The following FA2H variants were observed in gnomAD, a reference collection of about 807,000 sequenced individuals.
FA2H encodes the protein fatty acid 2-hydroxylase.
Under a neutral mutation model 44.9 loss-of-function variants are expected in FA2H, and 22 were observed. The ratio of observed to expected loss-of-function variants is 0.49; its 90% CI spans 0.35 to 0.70. The LOEUF is 0.70. Ranked by LOEUF, FA2H falls within the 30% of genes least tolerant of loss-of-function variation. The probability of loss-of-function intolerance (pLI) is 0.01; values close to 1 mark genes in which losing one functional copy is unlikely to be tolerated. For missense variants in FA2H, 501 were observed against 504.9 expected, an observed-to-expected ratio of 0.99 and a Z score of 0.07; for synonymous variants, 243 against 213.2, an observed-to-expected ratio of 1.14 and a Z score of -1.22.
Position 74,740,088 on chromosome 16 carries a change from G to T in FA2H, c.298C>A (p.Leu100Ile). The change falls in exon 2 of 7, where the codon CTT becomes ATT. Residue 100 changes from leucine (L) to isoleucine (I), a missense_variant. Physicochemically the swap from Leu to Ile is conservative, Grantham distance 5. Coordinates refer to ENST00000219368, the MANE Select transcript of FA2H (RefSeq NM_024306.5). ...QGSMENEPVALEETQKTDPAM... is the reference protein window; with the variant it reads ...QGSMENEPVAIEETQKTDPAM... ...GGATCTGTCTTCTGAGTTTCCTCAA[G>T]GGCTACAGGCTCGTTCTCCATGGAG... is the stretch of plus-strand genomic sequence containing the variant. 1 of 1,613,922 alleles carries T rather than the reference G, an allele frequency of 6.2e-7. No individual in the cohort carries two copies. The highest frequency in any genetic ancestry group is 1.1e-5 in the South Asian group (1 of 91,070).
At chr16:74,731,539 T>C (rs1489601452) in intron 2 of FA2H, among the ~76,000 whole-genome samples, 1 of 152,200 alleles carries the variant, frequency 6.6e-6, no homozygotes, top group African/African-American at 2.4e-5. Flanking sequence ...CTTCTTTTTT[T>C]GAGACAGGGC....
chr16:74,743,066 G>T (rs573631202), intron 1 of FA2H, among the ~76,000 whole-genome samples: 1 of 152,092 alleles, frequency 6.6e-6, no homozygotes, highest in East Asian at 1.9e-4. Flanking sequence ...TGTCCAGTCT[G>T]GTCTTGAACT....
In FA2H at chr16:74,726,238, C is replaced by T. The variant is rs774718977; in HGVS notation, c.600G>A (p.Thr200=). Residue 200 remains threonine, a synonymous_variant, in exon 4 of 7, where the codon ACG becomes ACA. Transcript: ENST00000219368. ...TFAQGNVRLF[T]SFTTEYTVAV... is the part of the protein sequence containing the mutation. ...AACTGGCATTACCTGTTGTAAATGA[C>T]GTGAAGAGTCGGACGTTGCCCTGGG... 19 of 1,612,132 alleles carry T rather than the reference C, an allele frequency of 1.2e-5. No individual in the cohort carries two copies. The highest frequency in any genetic ancestry group is 3.3e-5 in the Admixed American group (2 of 59,996).
chr16:74,737,156 G>A (rs143614165), intron 2 of FA2H, among the ~76,000 whole-genome samples: 1 of 152,262 alleles, frequency 6.6e-6, no homozygotes, highest in African/African-American at 2.4e-5. Flanking sequence ...TCCCCCGGGT[G>A]GAAAGGGTGG....
chr16:74,767,187 T>G (rs1052681346), intron 1 of FA2H, among the ~76,000 whole-genome samples: 2 of 152,100 alleles, frequency 1.3e-5, no homozygotes, highest in Admixed American at 6.6e-5. Context: ...TGTGTGCCTG[T>G]AATCCCAGCT....
At chr16:74,773,329 T>A (rs1198798258) in intron 1 of FA2H, among the ~76,000 whole-genome samples, 1 of 148,240 alleles carries the variant, frequency 6.7e-6, no homozygotes, top group Non-Finnish European at 1.5e-5. Context: ...TTGTTCTTAA[T>A]TTATAAATTT....
rs1754972174 is a variant in FA2H, at chr16:74,716,549, C to A, written c.837G>T (p.Leu279=). ...RLVFPPVPAS[L]VIGVFYLCMQ... is the part of the protein sequence containing the mutation. The stretch of plus-strand genomic sequence containing the variant: ...TGCACAAGTAGAAGACGCCGATCAC[C>A]AGGGAGGCTGGCACAGGGGGGAAGA... The change falls in exon 6 of 7, where the codon CTG becomes CTT. Residue 279 remains leucine, a synonymous_variant. Coordinates refer to ENST00000219368, the MANE Select transcript of FA2H (RefSeq NM_024306.5). The A allele has an allele frequency of 4.4e-6, 7 of 1,605,110 alleles. No homozygotes were observed. The highest frequency in any genetic ancestry group is 6.0e-6 in the Non-Finnish European group (7 of 1,176,102).
At chr16:74,770,271 G>A (rs1597575223) in intron 1 of FA2H, among the ~76,000 whole-genome samples, 1 of 152,242 alleles carries the variant, frequency 6.6e-6, no homozygotes, top group Non-Finnish European at 1.5e-5. Context: ...CTTGCTAGAA[G>A]GGCTTAGCTA....
intron 2 of FA2H, among the ~76,000 whole-genome samples, chr16:74,736,290 C>A (rs906134634): frequency 6.6e-6 from 1 of 152,122 alleles, no homozygotes; most frequent in Non-Finnish European, 1.5e-5. Context: ...CCCTCCAGAC[C>A]CCTACTCTGG....
chr16:74,718,305 C>T (rs957484752), intron 5 of FA2H, among the ~76,000 whole-genome samples: 1 of 152,074 alleles, frequency 6.6e-6, no homozygotes, highest in Non-Finnish European at 1.5e-5. Context: ...AGTGTGGAGA[C>T]GGGCTGGGGA....
At chr16:74,771,353 G>A (rs1962902525) in intron 1 of FA2H, among the ~76,000 whole-genome samples, 1 of 151,714 alleles carries the variant, frequency 6.6e-6, no homozygotes, top group Admixed American at 6.6e-5. Context: ...ACCACGCCCA[G>A]CTAATTTTTG....
chr16:74,714,320 T>C (rs1180229687), intron 6 of FA2H, 51 bp from the exon 7 acceptor site: 1 of 1,214,202 alleles, frequency 8.2e-7, no homozygotes, highest in South Asian at 1.3e-5. Flanking sequence ...GGAGCAGGCG[T>C]GCGCTGGCTT....
rs530146542 is a variant in FA2H, at chr16:74,743,302, A to G, written c.271-3187T>C. Among the ~76,000 whole-genome samples, 28 of 152,342 alleles carry G rather than the reference A, an allele frequency of 1.8e-4. No homozygotes were observed. In the East Asian group the frequency reaches 5.4e-3, roughly 29 times the overall value. ...ACAGGAAGTAAATCAAATGTTCACC[A>G]TGTCCTGGTTCTAAGGTTCTACTTC... On this transcript the variant is annotated intron_variant, in intron 1 of 6. Coordinates refer to ENST00000219368, the MANE Select transcript of FA2H (RefSeq NM_024306.5).
At chr16:74,772,712 G>A (rs753485961) in intron 1 of FA2H, among the ~76,000 whole-genome samples, 1 of 152,110 alleles carries the variant, frequency 6.6e-6, no homozygotes, top group African/African-American at 2.4e-5. Context: ...CTTATCCACG[G>A]TTTCACTTTC....
At chr16:74,773,079 T>A (rs1340998024) in intron 1 of FA2H, among the ~76,000 whole-genome samples, 2 of 152,130 alleles carry the variant, frequency 1.3e-5, no homozygotes, top group African/African-American at 4.8e-5. Flanking sequence ...TCTCCCTATG[T>A]TGCCCAGGCT....
intron 1 of FA2H, among the ~76,000 whole-genome samples, chr16:74,768,746 C>A (rs146987618): frequency 6.6e-6 from 1 of 152,204 alleles, no homozygotes; most frequent in African/African-American, 2.4e-5. Flanking sequence ...ATTATTCAAG[C>A]CCTTAAGCTC....
At chr16:74,744,928 G>C (rs1300688995) in intron 1 of FA2H, among the ~76,000 whole-genome samples, 2 of 152,140 alleles carry the variant, frequency 1.3e-5, no homozygotes, top group Non-Finnish European at 2.9e-5. Flanking sequence ...TTTGGTAAGG[G>C]AAGTGAACAA....
chr16:74,723,782 G>T (rs1228911339), intron 4 of FA2H, among the ~76,000 whole-genome samples: 2 of 152,160 alleles, frequency 1.3e-5, no homozygotes, highest in East Asian at 3.8e-4. Flanking sequence ...CACCGCCTAG[G>T]TGTTACAGTT....
chr16:74,742,236 GCCCT>G (rs1276710427), intron 1 of FA2H, among the ~76,000 whole-genome samples: 7 of 152,170 alleles, frequency 4.6e-5, no homozygotes, highest in Non-Finnish European at 1.0e-4. Flanking sequence ...TGGGGGCGAA[GCCCT>G]GAAGCTCTGC....
Sources: allele counts gnomAD v4.1 joint callset (sites outside exome capture counted in the v4.1 genomes callset), GRCh38; gene constraint gnomAD v4.1.1; transcripts MANE v1.5; gene names NCBI Gene and HGNC (gene_info 2026-07-23, HGNC 2026-07-21).